Variants in FEZ2 observed in about 807,000 individuals in gnomAD.
FEZ2 encodes the protein fasciculation and elongation protein zeta-2.
A neutral mutation model predicts 40.4 loss-of-function variants in FEZ2; 51 were observed. That is an observed-to-expected ratio of 1.26 (90% confidence interval 1.01 to 1.59). The LOEUF is 1.59. Ranked by LOEUF, FEZ2 falls within the 40% of genes most tolerant of loss-of-function variation. The pLI, the probability that FEZ2 is intolerant of heterozygous loss-of-function variation, is 0.00. For synonymous variants in FEZ2, 242 were observed against 172.0 expected, an observed-to-expected ratio of 1.41 and a Z score of -3.18; for missense variants, 640 against 438.3, an observed-to-expected ratio of 1.46 and a Z score of -4.11.
chr2:36,573,489 A>G (rs1668477973), intron 5 of FEZ2, among the ~76,000 whole-genome samples: 1 of 152,256 alleles, frequency 6.6e-6, no homozygotes, highest in Admixed American at 6.5e-5. Context: ...TAGAACAATA[A>G]TAATTCAAAT....
intron 1 of FEZ2, 105 bp downstream of exon 1, chr2:36,597,772 C>G: frequency 6.8e-6 from 6 of 888,634 alleles, no homozygotes; most frequent in South Asian, 3.9e-5. Context: ...ACTCCCGCGT[C>G]CGGGCGGAAG....
chr2:36,588,992 G>C (rs368560403), intron 2 of FEZ2, among the ~76,000 whole-genome samples: 3 of 151,978 alleles, frequency 2.0e-5, no homozygotes, highest in Non-Finnish European at 2.9e-5. Flanking sequence ...TGGTTTTGGT[G>C]CATTCTGCAT....
intron 2 of FEZ2, among the ~76,000 whole-genome samples, chr2:36,587,047 G>C (rs1236451147): frequency 6.6e-6 from 1 of 152,182 alleles, no homozygotes; most frequent in Non-Finnish European, 1.5e-5. Flanking sequence ...TGTCCTGAAA[G>C]AAATGCACAT....
At chr2:36,555,830 T>TA in intron 6 of FEZ2, 82 bp from the exon 7 acceptor site, 1 of 773,626 alleles carries the variant, frequency 1.3e-6, no homozygotes, top group Non-Finnish European at 2.1e-6. Context: ...ATTGTGGCCT[T>TA]AATCTTCCTT....
chr2:36,593,943 A>C (rs1400572221), intron 1 of FEZ2, among the ~76,000 whole-genome samples: 2 of 151,538 alleles, frequency 1.3e-5, no homozygotes, highest in Non-Finnish European at 2.9e-5. Flanking sequence ...CACCCAAGTT[A>C]CCTCCTGAAT....
Position 36,558,447 on chromosome 2 carries a change from A to G in FEZ2, c.970T>C (p.Leu324=). 2 of 1,522,096 alleles carry G rather than the reference A, an allele frequency of 1.3e-6. No individual in the cohort carries two copies. Among genetic ancestry groups the G allele is most frequent in the Non-Finnish European group, 1.8e-6 (2 of 1,129,954 alleles). 94.3% of individuals were successfully genotyped at this position (1,522,096 alleles called of 1,614,324 possible). A position where few individuals can be genotyped will look rare whatever the true frequency, so the allele number is the denominator to read the frequency against. The part of the protein sequence containing the change: ...GPPSVEDLQI[L]TKILRAMKED... ...TTTTGTCTTTGCTCACTTTTTGTTA[A>G]TATTTGAAGATCTTCAACAGACGGT... The change falls in exon 6 of 8, where the codon TTA becomes CTA. Residue 324 remains leucine (L), a synonymous_variant. Coordinates refer to ENST00000405912, the MANE Select transcript of FEZ2 (RefSeq NM_005102.3).
intron 5 of FEZ2, 127 bp downstream of exon 5, chr2:36,578,470 G>A (rs1668638116): frequency 3.0e-6 from 3 of 990,650 alleles, no homozygotes. Flanking sequence ...ATCCCACTGG[G>A]CTCTGATTAG....
At chr2:36,560,969 A>T in intron 5 of FEZ2, 2 of 604,236 alleles carry the variant, frequency 3.3e-6, no homozygotes, top group Non-Finnish European at 2.8e-6. Context: ...AGAGGCAAGC[A>T]GTTAGAAAAT....
intron 5 of FEZ2, among the ~76,000 whole-genome samples, chr2:36,570,840 T>G (rs1052136835): frequency 3.9e-5 from 6 of 152,234 alleles, no homozygotes; most frequent in African/African-American, 1.2e-4. Context: ...CTCCATCATC[T>G]ATCTATACGC....
At chr2:36,567,321 A>G (rs1473839444) in intron 5 of FEZ2, among the ~76,000 whole-genome samples, 1 of 152,200 alleles carries the variant, frequency 6.6e-6, no homozygotes, top group East Asian at 1.9e-4. Context: ...ATGACAGGAC[A>G]GAACATCAAG....
At chr2:36,556,666 T>G (rs1667969249) in intron 6 of FEZ2, 1 of 152,252 alleles carries the variant, frequency 6.6e-6, no homozygotes, top group South Asian at 2.1e-4. Context: ...GAAATGAGAA[T>G]AATAATTAGA....
intron 5 of FEZ2, among the ~76,000 whole-genome samples, chr2:36,570,523 C>G (rs1163225194): frequency 2.0e-5 from 3 of 152,064 alleles, no homozygotes; most frequent in African/African-American, 7.2e-5. Flanking sequence ...AAATTCCTTC[C>G]TGAAACATAA....
intron 4 of FEZ2, among the ~76,000 whole-genome samples, chr2:36,580,121 T>A (rs1342058853): frequency 6.6e-6 from 1 of 152,166 alleles, no homozygotes; most frequent in Admixed American, 6.5e-5. Context: ...GAATATAAAT[T>A]CCTGTTGTTT....
chr2:36,589,886 C>T (rs1375667272), intron 2 of FEZ2: 1 of 152,160 alleles, frequency 6.6e-6, no homozygotes, highest in African/African-American at 2.4e-5. Flanking sequence ...CATAATTACA[C>T]TTAATGAAAT....
At chr2:36,565,382 G>T (rs945386932) in intron 5 of FEZ2, among the ~76,000 whole-genome samples, 18 of 152,272 alleles carry the variant, frequency 1.2e-4, no homozygotes, top group African/African-American at 3.9e-4. Context: ...AAAACCAGGT[G>T]CCTCAGAATG....
At chr2:36,568,100 C>G (rs1313022979) in intron 5 of FEZ2, among the ~76,000 whole-genome samples, 1 of 151,840 alleles carries the variant, frequency 6.6e-6, no homozygotes, top group Non-Finnish European at 1.5e-5. Context: ...GCTTATGGTG[C>G]TTAACTGGGC....
At chr2:36,575,307 C>T (rs554274755) in intron 5 of FEZ2, among the ~76,000 whole-genome samples, 1 of 152,260 alleles carries the variant, frequency 6.6e-6, no homozygotes, top group African/African-American at 2.4e-5. Context: ...GCCTCAGACT[C>T]CCAAGTAGTT....
chr2:36,558,580 C>A, intron 5 of FEZ2, 67 bp from the exon 6 acceptor site: 1 of 870,304 alleles, frequency 1.1e-6, no homozygotes, highest in South Asian at 1.8e-5. Context: ...AAATTTGATA[C>A]TGTTACTAGA....
At chr2:36,557,732 A>G (rs1323360706) in intron 6 of FEZ2, 2 of 152,188 alleles carry the variant, frequency 1.3e-5, no homozygotes, top group Non-Finnish European at 2.9e-5. Flanking sequence ...AGCAAAAGAG[A>G]GTAAGTAACT....
Sources: gnomAD v4.1 joint callset for allele counts (sites outside exome capture counted in the v4.1 genomes callset) on GRCh38, gnomAD v4.1.1 for gene constraint, MANE v1.5 for transcripts, NCBI Gene and HGNC (gene_info 2026-07-23, HGNC 2026-07-21) for gene names.